Variants in PIEZO2 observed in about 807,000 individuals in gnomAD.
PIEZO2 encodes piezo-type mechanosensitive ion channel component 2.
Under a neutral mutation model 337.3 loss-of-function variants are expected in PIEZO2, and 172 were observed. That is an observed-to-expected ratio of 0.51 (90% CI 0.45 to 0.58). The LOEUF is 0.58. PIEZO2 is among the 20% of genes least tolerant of loss of function. The pLI is 0.00. For synonymous variants in PIEZO2, 1,251 were observed against 1,228.5 expected (o/e 1.02, Z -0.38); for missense variants, 3,028 against 3,391.3 (o/e 0.89, Z 2.66).
chr18:11,029,742 T>G (rs2036665172), intron 2 of PIEZO2, among the ~76,000 whole-genome samples: 1 of 152,084 alleles, frequency 6.6e-6, no homozygotes. Context: ...AGGACCCCTC[T>G]CCCTCCCTGC....
chr18:10,725,038 G>T (rs536300004), intron 36 of PIEZO2: 1 of 1,580,086 alleles, frequency 6.3e-7, no homozygotes, highest in Admixed American at 1.7e-5. Context: ...CTGCATGTTG[G>T]TGGCCCTGCG....
intron 1 of PIEZO2, 37 bp from the exon 2 acceptor site, chr18:11,066,259 T>G: frequency 6.7e-7 from 1 of 1,491,456 alleles, no homozygotes; most frequent in Non-Finnish European, 9.0e-7. Context: ...GAGAAGATCA[T>G]TAACAAAGGC....
chr18:10,845,618 C>T (rs2041333931), intron 7 of PIEZO2, among the ~76,000 whole-genome samples: 1 of 152,214 alleles, frequency 6.6e-6, no homozygotes, highest in African/African-American at 2.4e-5. Flanking sequence ...CTAATTTCTA[C>T]CACACTGCTC....
intron 40 of PIEZO2, among the ~76,000 whole-genome samples, chr18:10,706,913 T>A (rs190283069): frequency 3.0e-4 from 46 of 152,290 alleles, no homozygotes; most frequent in Middle Eastern, 3.4e-3. Context: ...CTCAAATGCA[T>A]AGACTGTACC....
intron 36 of PIEZO2, chr18:10,728,190 AG>A (rs1190729575): frequency 3.3e-5 from 5 of 152,672 alleles, no homozygotes; most frequent in African/African-American, 9.6e-5. Context: ...ATCCTTAGAA[AG>A]AAAAATGATA....
chr18:10,735,510 T>C (rs1485318917), intron 34 of PIEZO2, among the ~76,000 whole-genome samples, 180 bp from the exon 35 acceptor site: 1 of 152,180 alleles, frequency 6.6e-6, no homozygotes, highest in East Asian at 1.9e-4. Flanking sequence ...AAATAGTCAA[T>C]CATTGCATGT....
At chr18:10,913,677 AC>A in intron 3 of PIEZO2, among the ~76,000 whole-genome samples, 1 of 152,194 alleles carries the variant, frequency 6.6e-6, no homozygotes, top group East Asian at 1.9e-4. Flanking sequence ...CCATCTTCCT[AC>A]TTCTGCGAAA....
In PIEZO2 at chr18:10,750,090, C is replaced by G; in HGVS notation, c.4264+1G>C. The G allele has an allele frequency of 1.3e-6, 2 of 1,534,012 alleles. No homozygotes were observed. Among genetic ancestry groups the G allele is most frequent in the Non-Finnish European group, 8.7e-7 (1 of 1,143,986 alleles). On this transcript the variant is annotated splice_donor_variant, in intron 29 of 55. Coordinates refer to ENST00000674853, the MANE Select transcript of PIEZO2 (RefSeq NM_001378183.1). LOFTEE classifies it high-confidence loss of function. This position sits in a 1 kb window ranked among gnomAD's most constrained non-coding sequence, Gnocchi z 4.1. Reference sequence around the variant, plus strand: ...CCTTCACACTTGCTTTTCATACTTACGCATTTGATAGCCTTTGACTGTGCA... The same window carrying G: ...CCTTCACACTTGCTTTTCATACTTAGGCATTTGATAGCCTTTGACTGTGCA...
intron 2 of PIEZO2, among the ~76,000 whole-genome samples, chr18:11,000,603 T>C (rs1042863598): frequency 6.6e-6 from 1 of 152,180 alleles, no homozygotes; most frequent in African/African-American, 2.4e-5. Flanking sequence ...TCATTGCTTC[T>C]ACAGCACAGT....
chr18:10,883,842 A>C (rs1190474791), intron 4 of PIEZO2, among the ~76,000 whole-genome samples: 1 of 128,130 alleles, frequency 7.8e-6, no homozygotes, highest in Non-Finnish European at 1.6e-5. Context: ...ACAGAGTCTC[A>C]ATCTGTCGCC....
At chr18:10,961,739 C>T (rs1249891606) in intron 3 of PIEZO2, among the ~76,000 whole-genome samples, 5 of 152,008 alleles carry the variant, frequency 3.3e-5, no homozygotes, top group Non-Finnish European at 1.5e-5. Flanking sequence ...AAATCCAACT[C>T]CACAAAGAGA....
chr18:11,027,275 T>C lies in PIEZO2; in HGVS notation c.160+38852A>G, dbSNP rs976269008. ...AACAGCATGAGCCGTGACCCCTGAGTTCTGAGCTCCAGTCAAGGTATAACC... is the reference window on the plus strand; with the variant it reads ...AACAGCATGAGCCGTGACCCCTGAGCTCTGAGCTCCAGTCAAGGTATAACC... On this transcript the variant is annotated intron_variant, in intron 2 of 55. Coordinates refer to ENST00000674853, the MANE Select transcript of PIEZO2 (RefSeq NM_001378183.1). This position sits in a 1 kb window ranked among gnomAD's most constrained non-coding sequence, Gnocchi z 4.2. Among the ~76,000 whole-genome samples the C allele has an allele frequency of 3.4e-4, 52 of 152,276 alleles. No homozygotes were observed. Among genetic ancestry groups the C allele is most frequent in the African/African-American group, 1.2e-3 (51 of 41,550 alleles).
chr18:10,765,642 A>C (rs1016012150), intron 21 of PIEZO2, among the ~76,000 whole-genome samples: 9 of 152,146 alleles, frequency 5.9e-5, no homozygotes, highest in African/African-American at 2.2e-4. Context: ...GCCACTCAAG[A>C]AGTGGGGTCA....
At chr18:11,050,322 G>A (rs1467340350) in intron 2 of PIEZO2, among the ~76,000 whole-genome samples, 1 of 152,066 alleles carries the variant, frequency 6.6e-6, no homozygotes, top group Non-Finnish European at 1.5e-5. Context: ...TATAAGCACT[G>A]TTTTTAACCA....
intron 7 of PIEZO2, among the ~76,000 whole-genome samples, chr18:10,831,709 T>A: frequency 6.6e-6 from 1 of 152,222 alleles, no homozygotes; most frequent in East Asian, 1.9e-4. Flanking sequence ...CCATTTAACC[T>A]GATGTGATTA....
At chr18:11,082,676 GT>G (rs899420384) in intron 1 of PIEZO2, among the ~76,000 whole-genome samples, 2 of 152,014 alleles carry the variant, frequency 1.3e-5, no homozygotes, top group Non-Finnish European at 2.9e-5. Context: ...AATTCTTAAA[GT>G]TTTTTTTATC....
intron 1 of PIEZO2, among the ~76,000 whole-genome samples, chr18:11,074,724 T>C (rs1285119307): frequency 6.6e-6 from 1 of 152,156 alleles, no homozygotes; most frequent in African/African-American, 2.4e-5. Context: ...AGGGGGAAAA[T>C]CTCTTGCAAA....
At chr18:10,774,105 C>T (rs964234973) in intron 18 of PIEZO2, 67 bp from the exon 19 acceptor site, 8 of 699,632 alleles carry the variant, frequency 1.1e-5, no homozygotes, top group Admixed American at 8.1e-5. Context: ...TAAGGAATGT[C>T]AGAGATCACA....
intron 1 of PIEZO2, among the ~76,000 whole-genome samples, chr18:11,073,436 T>G (rs548065763): frequency 1.1e-3 from 160 of 152,326 alleles, no homozygotes; most frequent in African/African-American, 3.7e-3. Context: ...CTGTGCTACA[T>G]GTGTCCTTCA....
Sources: allele counts gnomAD v4.1 joint callset (sites outside exome capture counted in the v4.1 genomes callset), GRCh38; gene constraint gnomAD v4.1.1; non-coding constraint Gnocchi (gnomAD v3.1); transcripts MANE v1.5; gene names NCBI Gene and HGNC (gene_info 2026-07-23, HGNC 2026-07-21).